Variants in CPQ observed in about 807,000 individuals in gnomAD.
The protein encoded by CPQ is Ser-Met dipeptidase.
Under a neutral mutation model 45.7 loss-of-function variants are expected in CPQ, and 37 were observed. The observed-to-expected ratio is 0.81, with a 90% CI of 0.62 to 1.07. The LOEUF (loss-of-function observed/expected upper bound fraction) is 1.07, where lower values mean the gene tolerates loss of function less well. Among genes scored for constraint, CPQ ranks in the 50% least tolerant of loss-of-function variants. The pLI is 0.00. For synonymous variants in CPQ, 186 were observed against 205.8 expected, an observed-to-expected ratio of 0.90 and a Z score of 0.82; for missense variants, 537 against 572.9, an observed-to-expected ratio of 0.94 and a Z score of 0.64.
intron 4 of CPQ, among the ~76,000 whole-genome samples, chr8:96,950,573 C>A (rs1278259881): frequency 6.6e-6 from 1 of 152,034 alleles, no homozygotes; most frequent in African/African-American, 2.4e-5. Flanking sequence ...AACTATGCAC[C>A]CTATCTCCAT....
chr8:96,866,319 G>A (rs1392051664), intron 3 of CPQ, among the ~76,000 whole-genome samples: 1 of 151,992 alleles, frequency 6.6e-6, no homozygotes, highest in African/African-American at 2.4e-5. Context: ...AAAAGCAGGA[G>A]GTTCATGACA....
intron 5 of CPQ, among the ~76,000 whole-genome samples, chr8:97,016,065 T>C (rs1809574522): frequency 6.6e-6 from 1 of 152,078 alleles, no homozygotes. Context: ...GTATTTATAT[T>C]CAGAAAAATT....
chr8:96,892,875 T>C (rs901451186), intron 4 of CPQ, among the ~76,000 whole-genome samples: 1 of 152,228 alleles, frequency 6.6e-6, no homozygotes, highest in Non-Finnish European at 1.5e-5. Flanking sequence ...TGATCTTTCA[T>C]AGGTCTGAAC....
chr8:96,718,421 G>A (rs564262321), intron 1 of CPQ, among the ~76,000 whole-genome samples: 2 of 152,154 alleles, frequency 1.3e-5, no homozygotes, highest in Non-Finnish European at 2.9e-5. Flanking sequence ...TTCGCGGTGA[G>A]TGTTACAGCT....
At chr8:97,026,866 T>A (rs1259783682) in intron 5 of CPQ, among the ~76,000 whole-genome samples, 1 of 152,256 alleles carries the variant, frequency 6.6e-6, no homozygotes, top group Non-Finnish European at 1.5e-5. Context: ...AACTTTCACT[T>A]GGCACACAAA....
chr8:96,808,779 C>T (rs566683026), intron 2 of CPQ, among the ~76,000 whole-genome samples: 2 of 152,192 alleles, frequency 1.3e-5, no homozygotes, highest in East Asian at 3.9e-4. Context: ...TTCTTTTAGC[C>T]TCTGTTTCCT....
At chr8:96,980,193 C>G (rs1258177671) in intron 5 of CPQ, among the ~76,000 whole-genome samples, 1 of 152,126 alleles carries the variant, frequency 6.6e-6, no homozygotes, top group African/African-American at 2.4e-5. Context: ...AGTGCAGTGG[C>G]ACAATCTTGG....
intron 4 of CPQ, among the ~76,000 whole-genome samples, chr8:96,948,166 T>G (rs543293026): frequency 6.6e-6 from 1 of 152,212 alleles, no homozygotes; most frequent in South Asian, 2.1e-4. Context: ...ATAAAGTCAC[T>G]TTCTTTCTAC....
intron 7 of CPQ, among the ~76,000 whole-genome samples, chr8:97,138,040 A>G (rs1307049123): frequency 6.6e-6 from 1 of 152,114 alleles, no homozygotes; most frequent in Non-Finnish European, 1.5e-5. Flanking sequence ...GTAGTTGTTC[A>G]CACAATTTCT....
intron 3 of CPQ, among the ~76,000 whole-genome samples, chr8:96,838,378 CAG>C (rs1422437319): frequency 1.3e-5 from 2 of 152,078 alleles, no homozygotes; most frequent in Non-Finnish European, 2.9e-5. Flanking sequence ...GAGTTCTCTG[CAG>C]AGTCTTCTGC....
intron 7 of CPQ, among the ~76,000 whole-genome samples, chr8:97,118,327 C>T (rs1811631375): frequency 6.6e-6 from 1 of 152,018 alleles, no homozygotes; most frequent in Non-Finnish European, 1.5e-5. Context: ...CTGGCTCAGT[C>T]AGTAATAGGT....
At chr8:96,984,797 G>A (rs1412305669) in intron 5 of CPQ, among the ~76,000 whole-genome samples, 3 of 152,168 alleles carry the variant, frequency 2.0e-5, no homozygotes, top group Non-Finnish European at 4.4e-5. Flanking sequence ...TAGGTTTATT[G>A]TGATAATTAG....
intron 1 of CPQ, among the ~76,000 whole-genome samples, chr8:96,659,584 A>C (rs972470947): frequency 1.3e-5 from 2 of 152,126 alleles, no homozygotes; most frequent in Non-Finnish European, 2.9e-5. Context: ...TCATCTCTAC[A>C]CTTTACTTCT....
intron 1 of CPQ, among the ~76,000 whole-genome samples, chr8:96,736,410 T>A (rs557309301): frequency 6.6e-6 from 1 of 152,162 alleles, no homozygotes; most frequent in Non-Finnish European, 1.5e-5. Flanking sequence ...ACTATTTCTT[T>A]CTATAAAATC....
intron 1 of CPQ, among the ~76,000 whole-genome samples, chr8:96,721,224 C>T (rs1465592409): frequency 6.6e-6 from 1 of 151,916 alleles, no homozygotes; most frequent in African/African-American, 2.4e-5. Flanking sequence ...TGAATTCTGC[C>T]TTCTTATCTC....
chr8:96,652,633 A>AT (rs942825846), intron 1 of CPQ, among the ~76,000 whole-genome samples: 9 of 151,412 alleles, frequency 5.9e-5, no homozygotes, highest in East Asian at 5.8e-4. Flanking sequence ...TGTCACCAGA[A>AT]TTTTTTTTTG....
intron 2 of CPQ, among the ~76,000 whole-genome samples, chr8:96,795,662 A>G (rs1810918200): frequency 1.3e-5 from 2 of 152,314 alleles, no homozygotes; most frequent in South Asian, 4.1e-4. Context: ...TACCAAATTT[A>G]AATATGCAAT....
At chr8:97,095,512 G>A (rs1811196913) in intron 7 of CPQ, among the ~76,000 whole-genome samples, 1 of 152,058 alleles carries the variant, frequency 6.6e-6, no homozygotes, top group Admixed American at 6.6e-5. Context: ...TTCCCAAAAT[G>A]TGGCTTCCCA....
At chr8:96,873,721 A>C (rs963965129) in intron 3 of CPQ, among the ~76,000 whole-genome samples, 3 of 151,726 alleles carry the variant, frequency 2.0e-5, no homozygotes, top group African/African-American at 7.2e-5. Flanking sequence ...AAGGCTTTAA[A>C]CTATTTGTGA....
Sources: gnomAD v4.1 joint callset for allele counts (sites outside exome capture counted in the v4.1 genomes callset) on GRCh38, gnomAD v4.1.1 for gene constraint, MANE v1.5 for transcripts, NCBI Gene and HGNC (gene_info 2026-07-23, HGNC 2026-07-21) for gene names.